Variants in CRISP1 observed in about 807,000 individuals in gnomAD.
The protein encoded by CRISP1 is cysteine rich secretory protein 1.
Under a neutral mutation model 33.1 loss-of-function variants are expected in CRISP1, and 44 were observed. The ratio of observed to expected loss-of-function variants is 1.33; its 90% CI spans 1.05 to 1.71. CRISP1 has a LOEUF of 1.71. CRISP1 is among the 40% of genes most tolerant of loss of function. The pLI is 0.00. For synonymous variants in CRISP1, 103 were observed against 98.7 expected, an observed-to-expected ratio of 1.04 and a Z score of -0.26; for missense variants, 390 against 301.2, an observed-to-expected ratio of 1.29 and a Z score of -2.18.
chr6:49,850,814 T>C lies in CRISP1; in HGVS notation c.195+1187A>G, dbSNP rs76299656. 2.6e-3 allele frequency among the ~76,000 whole-genome samples: 397 copies of C among 152,294 alleles called. 1 individual carries two copies. The highest frequency in any genetic ancestry group is 8.4e-3 in the African/African-American group (348 of 41,572). The stretch of plus-strand genomic sequence containing the variant: ...TATATTTTTTACTTTTCTTTAACTC[T>C]GTTTGTACCTCCTAGGTAAACTTAT... On this transcript the variant is annotated intron_variant, in intron 3 of 7. Coordinates refer to ENST00000335847, the MANE Select transcript of CRISP1 (RefSeq NM_001131.3).
At chr6:49,866,134 A>C (rs1393628105) in intron 1 of CRISP1, among the ~76,000 whole-genome samples, 1 of 152,078 alleles carries the variant, frequency 6.6e-6, no homozygotes, top group East Asian at 1.9e-4. Flanking sequence ...TTTCAGATCT[A>C]TATAACCCTA....
chr6:49,839,873 T>C (rs1181706071), intron 6 of CRISP1, among the ~76,000 whole-genome samples: 1 of 152,230 alleles, frequency 6.6e-6, no homozygotes, highest in East Asian at 1.9e-4. Flanking sequence ...TATTACACTC[T>C]GAATCAATAG....
At chr6:49,858,287 G>A (rs1465592078) in intron 1 of CRISP1, among the ~76,000 whole-genome samples, 1 of 152,136 alleles carries the variant, frequency 6.6e-6, no homozygotes, top group Non-Finnish European at 1.5e-5. Context: ...ATATTAATAA[G>A]TATAGATTAT....
chr6:49,838,665 T>A, intron 6 of CRISP1, 140 bp from the exon 7 acceptor site: 2 of 605,318 alleles, frequency 3.3e-6, no homozygotes, highest in South Asian at 4.3e-5. Context: ...AAGATGGGTG[T>A]GAGATTTCCA....
intron 1 of CRISP1, among the ~76,000 whole-genome samples, chr6:49,858,510 CG>C (rs1251776327): frequency 1.4e-4 from 21 of 152,168 alleles, no homozygotes; most frequent in Admixed American, 1.4e-3. Flanking sequence ...ATTGCTCTCA[CG>C]TTTCCCCTGC....
At chr6:49,839,018 T>C (rs567115276) in intron 6 of CRISP1, among the ~76,000 whole-genome samples, 329 of 152,254 alleles carry the variant, frequency 2.2e-3, no homozygotes, top group Admixed American at 3.6e-3. Context: ...CATGTTAATG[T>C]CTTTTATTGA....
At position 49,846,573 on chromosome 6, in the gene CRISP1, G is replaced by C; in HGVS notation, c.382C>G (p.His128Asp). 4.3e-6 allele frequency: 7 copies of C among 1,613,612 alleles called. No homozygotes were observed. The highest frequency in any genetic ancestry group is 5.9e-6 in the Non-Finnish European group (7 of 1,179,730). The change falls in exon 5 of 8, where the codon CAT becomes GAT. Residue 128 changes from histidine to aspartate, a missense_variant. By Grantham distance (81) the His-to-Asp change is moderately conservative (BLOSUM62 -1). Transcript: ENST00000335847. ...TCATCCGTTGTTGTCCATTCTCCAT[G>C]TTTGAAACTTGTAGACTCACTGTAC... ...VWYSESTSFK[H>D]GEWTTTDDDI...
intron 5 of CRISP1, among the ~76,000 whole-genome samples, chr6:49,845,841 A>G (rs1582263899): frequency 6.6e-6 from 1 of 152,332 alleles, no homozygotes; most frequent in East Asian, 1.9e-4. Context: ...ATGGATGAAC[A>G]TGGATTTAAT....
Position 49,853,796 on chromosome 6 carries a change from A to G in CRISP1, c.67-1667T>C, listed in dbSNP as rs770482595. On this transcript the variant is annotated intron_variant, in intron 2 of 7. Coordinates refer to ENST00000335847, the MANE Select transcript of CRISP1 (RefSeq NM_001131.3). ...ATATTGAATCTTTTGTCTGCACACC[A>G]TCATCTAGAAATGCCTACCTAAAAC... Among the ~76,000 whole-genome samples, 13 of 152,112 alleles carry G rather than the reference A, an allele frequency of 8.5e-5. No individual in the cohort carries two copies. The East Asian group carries it at 9.6e-4, about 11-fold the overall frequency.
At chr6:49,846,254 A>T (rs1255890846) in intron 5 of CRISP1, among the ~76,000 whole-genome samples, 1 of 152,180 alleles carries the variant, frequency 6.6e-6, no homozygotes, top group African/African-American at 2.4e-5. Flanking sequence ...AAATACTACC[A>T]ATATCAAATG....
At chr6:49,847,631 A>G (rs573035000) in intron 4 of CRISP1, among the ~76,000 whole-genome samples, 10 of 152,260 alleles carry the variant, frequency 6.6e-5, no homozygotes, top group African/African-American at 2.2e-4. Flanking sequence ...TTCTTAATAA[A>G]TTACCAAGGC....
chr6:49,841,115 G>A, intron 5 of CRISP1, 120 bp from the exon 6 acceptor site: 1 of 851,682 alleles, frequency 1.2e-6, no homozygotes, highest in Non-Finnish European at 1.8e-6. Flanking sequence ...TTTGGGCATG[G>A]CTTAATAAGA....
intron 3 of CRISP1, 64 bp from the exon 4 acceptor site, chr6:49,848,363 T>C: frequency 1.0e-6 from 1 of 988,884 alleles, no homozygotes. Flanking sequence ...TCTAATTTAT[T>C]GTTTTTAATA....
chr6:49,835,488 C>A (rs763034445), intron 7 of CRISP1, 45 bp from the exon 8 acceptor site: 4 of 1,589,182 alleles, frequency 2.5e-6, no homozygotes, highest in Middle Eastern at 1.7e-4. Context: ...TTTTAAAAAT[C>A]GCATTTGCTG....
chr6:49,853,068 T>C lies in CRISP1; in HGVS notation c.67-939A>G, dbSNP rs573823616. On this transcript the variant is annotated intron_variant, in intron 2 of 7. Transcript: ENST00000335847. ...TATTCACTGTCATTTATATCAACAG[T>C]TTAGGGTAAGGGGAGAAAACTTAAA... Among the ~76,000 whole-genome samples, 3 of 152,106 alleles carry C rather than the reference T, an allele frequency of 2.0e-5. No individual in the cohort carries two copies. The East Asian group carries it at 5.8e-4, about 29-fold the overall frequency.
intron 3 of CRISP1, among the ~76,000 whole-genome samples, chr6:49,848,822 A>G (rs1771264001): frequency 6.6e-6 from 1 of 152,280 alleles, no homozygotes; most frequent in East Asian, 1.9e-4. Flanking sequence ...ATGAATAACA[A>G]AAATAAAAGC....
upstream of CRISP1, among the ~76,000 whole-genome samples, chr6:49,866,930 C>T (rs931074192): frequency 4.6e-5 from 7 of 152,098 alleles, no homozygotes; most frequent in Admixed American, 2.0e-4. Flanking sequence ...ATATAAACTA[C>T]ACAATCTTAT....
chr6:49,863,788 C>T (rs1771720368), intron 1 of CRISP1, among the ~76,000 whole-genome samples: 1 of 152,204 alleles, frequency 6.6e-6, no homozygotes, highest in African/African-American at 2.4e-5. Flanking sequence ...GAAGAACAGT[C>T]CCTTCCTTGC....
At chr6:49,874,067 A>G (rs958437496) in intron 1 of CRISP1, among the ~76,000 whole-genome samples, 2 of 152,058 alleles carry the variant, frequency 1.3e-5, no homozygotes, top group East Asian at 3.8e-4. Context: ...TTAATATACC[A>G]TGTTGAATTT....
Sources: allele counts gnomAD v4.1 joint callset (sites outside exome capture counted in the v4.1 genomes callset), GRCh38; gene constraint gnomAD v4.1.1; transcripts MANE v1.5; gene names NCBI Gene and HGNC (gene_info 2026-07-23, HGNC 2026-07-21).